PHKB: variants seen among roughly 807,000 people sequenced by gnomAD.
PHKB encodes phosphorylase kinase regulatory subunit beta.
A neutral mutation model predicts 152.1 loss-of-function variants in PHKB; 122 were observed. The ratio of observed to expected loss-of-function variants is 0.80; its 90% CI spans 0.69 to 0.93. PHKB has a LOEUF of 0.93. PHKB is among the 40% of genes least tolerant of loss of function. The pLI is 0.00. For synonymous variants in PHKB, 436 were observed against 464.9 expected, an observed-to-expected ratio of 0.94 and a Z score of 0.80; for missense variants, 1,304 against 1,328.4, an observed-to-expected ratio of 0.98 and a Z score of 0.29.
chr16:47,696,320 C>T (rs1974145464), intron 28 of PHKB, 61 bp from the exon 29 acceptor site: 2 of 851,142 alleles, frequency 2.3e-6, no homozygotes, highest in East Asian at 4.9e-5. Context: ...TGAAATTCTT[C>T]TATTAAATGA....
chr16:47,517,911 C>T (rs932265153), intron 6 of PHKB, among the ~76,000 whole-genome samples: 3 of 152,096 alleles, frequency 2.0e-5, no homozygotes, highest in Non-Finnish European at 2.9e-5. Context: ...CCATCTTTTT[C>T]CTTGAGATTC....
intron 14 of PHKB, among the ~76,000 whole-genome samples, chr16:47,615,959 G>A (rs967914018): frequency 6.6e-6 from 1 of 152,046 alleles, no homozygotes. Flanking sequence ...GCAATGAAAT[G>A]GTTTTTAGTA....
At chr16:47,588,450 G>A (rs1008969264) in intron 9 of PHKB, among the ~76,000 whole-genome samples, 3 of 151,918 alleles carry the variant, frequency 2.0e-5, no homozygotes, top group Admixed American at 2.0e-4. Context: ...AGCTATAAGA[G>A]TACTTTTTAT....
intron 7 of PHKB, among the ~76,000 whole-genome samples, chr16:47,575,973 G>A (rs1255436275): frequency 6.6e-6 from 1 of 152,160 alleles, no homozygotes; most frequent in Non-Finnish European, 1.5e-5. Context: ...CTACTCAGGA[G>A]GCTGAGGCAG....
At chr16:47,513,403 G>C (rs1393297804) in intron 5 of PHKB, among the ~76,000 whole-genome samples, 3 of 152,220 alleles carry the variant, frequency 2.0e-5, no homozygotes, top group Non-Finnish European at 2.9e-5. Context: ...CATGTTTTAA[G>C]AAGAGTCACT....
chr16:47,641,702 T>C lies in PHKB; in HGVS notation c.1608+10T>C. ...GCAGGAGCTTGTGAAAGTAAGTGAT[T>C]CTGCCTTTTACTTTCCTTACTTTGT... On this transcript the variant is annotated intron_variant, in intron 16 of 30. Transcript: ENST00000323584. The C allele has an allele frequency of 6.9e-7, 1 of 1,441,812 alleles. No individual in the cohort carries two copies. The highest frequency in any genetic ancestry group is 9.8e-7 in the Non-Finnish European group (1 of 1,023,034). The allele number at this position is 1,441,812 out of a possible 1,614,324, so 89.3% of individuals were successfully genotyped here.
rs762380758 is a variant in PHKB at position 47,596,325 on chromosome 16, C to T, written c.1205-48C>T. 1.2e-5 allele frequency: 16 copies of T among 1,290,374 alleles called. No homozygotes were observed. In the South Asian group the frequency reaches 1.6e-4, roughly 13 times the overall value. 79.9% of individuals were successfully genotyped at this position (1,290,374 alleles called of 1,614,324 possible). A position where few individuals can be genotyped will look rare whatever the true frequency, so the allele number is the denominator to read the frequency against. Reference sequence around the variant, plus strand: ...TCTTTATTAGTAGCATGAGAATGGACTAATACAGATTTGTTATATTTTAAA... The same window carrying T: ...TCTTTATTAGTAGCATGAGAATGGATTAATACAGATTTGTTATATTTTAAA... On this transcript the variant is annotated intron_variant, in intron 12 of 30. Coordinates refer to ENST00000323584, the MANE Select transcript of PHKB (RefSeq NM_000293.3).
intron 3 of PHKB, 27 bp downstream of exon 3, chr16:47,499,921 A>G: frequency 6.2e-7 from 1 of 1,613,786 alleles, no homozygotes; most frequent in Non-Finnish European, 8.5e-7. Flanking sequence ...TCTCCTCGTA[A>G]CTTTGAGAGT....
chr16:47,590,557 T>C (rs988809262), intron 10 of PHKB: 4 of 152,326 alleles, frequency 2.6e-5, no homozygotes, highest in South Asian at 2.1e-4. Flanking sequence ...CCTTCAAATG[T>C]TTCTTTCCTA....
At chr16:47,471,405 A>G (rs1969764981) in intron 1 of PHKB, among the ~76,000 whole-genome samples, 1 of 152,150 alleles carries the variant, frequency 6.6e-6, no homozygotes, top group African/African-American at 2.4e-5. Context: ...GTAAGGCTGG[A>G]TTAGTATTTT....
chr16:47,619,883 T>C (rs774982838), intron 14 of PHKB, among the ~76,000 whole-genome samples: 6 of 152,188 alleles, frequency 3.9e-5, no homozygotes, highest in Non-Finnish European at 7.3e-5. Context: ...AGGTATAAGG[T>C]GACCCTTAGA....
intron 6 of PHKB, among the ~76,000 whole-genome samples, chr16:47,520,419 A>C (rs2151655040): frequency 6.6e-6 from 1 of 152,378 alleles, no homozygotes; most frequent in Non-Finnish European, 1.5e-5. Flanking sequence ...AATAATGCAG[A>C]GAGCCACTAA....
At chr16:47,488,176 T>A (rs1266959322) in intron 1 of PHKB, among the ~76,000 whole-genome samples, 1 of 152,216 alleles carries the variant, frequency 6.6e-6, no homozygotes, top group Non-Finnish European at 1.5e-5. Flanking sequence ...TGAATTGCAT[T>A]TCTCTAATAA....
At chr16:47,488,066 C>T (rs931695107) in intron 1 of PHKB, among the ~76,000 whole-genome samples, 6 of 152,128 alleles carry the variant, frequency 3.9e-5, no homozygotes, top group Admixed American at 1.3e-4. Context: ...AGTGTATAAG[C>T]GTTCCCTTTT....
intron 14 of PHKB, among the ~76,000 whole-genome samples, chr16:47,627,868 C>T (rs1972738517): frequency 6.6e-6 from 1 of 152,214 alleles, no homozygotes; most frequent in Non-Finnish European, 1.5e-5. Flanking sequence ...TAGCCTGTTA[C>T]TTGGCTTCTA....
intron 1 of PHKB, among the ~76,000 whole-genome samples, chr16:47,469,096 A>G (rs1391530736): frequency 2.0e-5 from 3 of 152,192 alleles, no homozygotes; most frequent in Non-Finnish European, 4.4e-5. Flanking sequence ...CCACTAGAAT[A>G]TAAGCTATAT....
intron 7 of PHKB, chr16:47,547,914 G>T: frequency 3.5e-6 from 1 of 285,206 alleles, no homozygotes; most frequent in Non-Finnish European, 6.7e-6. Flanking sequence ...AACACCAGTT[G>T]TATATGCACT....
At chr16:47,477,252 A>G (rs1180813503) in intron 1 of PHKB, among the ~76,000 whole-genome samples, 3 of 152,168 alleles carry the variant, frequency 2.0e-5, no homozygotes, top group African/African-American at 7.2e-5. Context: ...AGATAATTAT[A>G]TATCTTTTTT....
intron 14 of PHKB, among the ~76,000 whole-genome samples, chr16:47,632,430 GAA>G (rs1257072868): frequency 6.6e-6 from 1 of 152,180 alleles, no homozygotes; most frequent in Admixed American, 6.5e-5. Context: ...GTTAATATAT[GAA>G]AAGAGTTCCA....
Sources: gnomAD v4.1 joint callset for allele counts (sites outside exome capture counted in the v4.1 genomes callset) on GRCh38, gnomAD v4.1.1 for gene constraint, MANE v1.5 for transcripts, NCBI Gene and HGNC (gene_info 2026-07-23, HGNC 2026-07-21) for gene names.